Variants in NKAIN3 observed in about 807,000 individuals in gnomAD.
NKAIN3 encodes the protein sodium/potassium-transporting ATPase subunit beta-1-interacting protein 3.
A neutral mutation model predicts 30.2 loss-of-function variants in NKAIN3; 25 were observed. The ratio of observed to expected loss-of-function variants is 0.83; its 90% CI spans 0.60 to 1.16. The LOEUF is 1.16. Among genes scored for constraint, NKAIN3 ranks in the 50% most tolerant of loss-of-function variants. NKAIN3 has a pLI of 0.00. For missense variants in NKAIN3, 225 were observed against 254.1 expected, an observed-to-expected ratio of 0.89 and a Z score of 0.78; for synonymous variants, 91 against 89.6, an observed-to-expected ratio of 1.02 and a Z score of -0.09.
intron 3 of NKAIN3, among the ~76,000 whole-genome samples, chr8:62,731,955 AT>A (rs200192526): frequency 1.2e-3 from 169 of 146,524 alleles, no homozygotes; most frequent in African/African-American, 2.5e-3. Flanking sequence ...TTGAGATTTC[AT>A]TTTTTTTTTT....
chr8:62,901,711 G>T (rs1821619484), intron 4 of NKAIN3, among the ~76,000 whole-genome samples: 1 of 152,142 alleles, frequency 6.6e-6, no homozygotes, highest in East Asian at 1.9e-4. Flanking sequence ...AGAAAAGCAG[G>T]ATTCCCTACT....
intron 1 of NKAIN3, among the ~76,000 whole-genome samples, chr8:62,389,071 T>C (rs1388647128): frequency 1.3e-5 from 2 of 152,108 alleles, no homozygotes; most frequent in African/African-American, 2.4e-5. Flanking sequence ...CCAGCCTGTC[T>C]GCATGGAGGT....
chr8:62,916,985 C>A (rs1822125971), intron 4 of NKAIN3, among the ~76,000 whole-genome samples: 1 of 151,996 alleles, frequency 6.6e-6, no homozygotes, highest in African/African-American at 2.4e-5. Context: ...GATGATCAGC[C>A]TCCCTGGTTT....
intron 1 of NKAIN3, among the ~76,000 whole-genome samples, chr8:62,257,077 C>G (rs1182810655): frequency 6.6e-6 from 1 of 152,126 alleles, no homozygotes; most frequent in Non-Finnish European, 1.5e-5. Context: ...TTCATCACCT[C>G]ACGTATCATT....
intron 1 of NKAIN3, among the ~76,000 whole-genome samples, chr8:62,386,895 G>C (rs1817439491): frequency 6.7e-6 from 1 of 149,248 alleles, no homozygotes; most frequent in Non-Finnish European, 1.5e-5. Flanking sequence ...AGTATACTTG[G>C]TGTTTCCGAA....
intron 3 of NKAIN3, among the ~76,000 whole-genome samples, chr8:62,703,963 T>C (rs1332884591): frequency 6.6e-6 from 1 of 152,178 alleles, no homozygotes. Flanking sequence ...CTCTAAAATT[T>C]CTGGATGACT....
chr8:62,272,298 A>G (rs1437136878), intron 1 of NKAIN3, among the ~76,000 whole-genome samples: 1 of 152,154 alleles, frequency 6.6e-6, no homozygotes, highest in Admixed American at 6.5e-5. Flanking sequence ...GTAGGTTATC[A>G]TAGTGTTGGG....
intron 3 of NKAIN3, among the ~76,000 whole-genome samples, chr8:62,637,690 T>C (rs1341963940): frequency 6.6e-6 from 1 of 152,106 alleles, no homozygotes; most frequent in African/African-American, 2.4e-5. Context: ...TGCACAGCGA[T>C]GGTTCAAATA....
intron 1 of NKAIN3, among the ~76,000 whole-genome samples, chr8:62,530,250 A>T (rs138761832): frequency 1.3e-5 from 2 of 151,856 alleles, no homozygotes; most frequent in African/African-American, 4.8e-5. Flanking sequence ...ATAGTTTCAA[A>T]ATCTTTAGCA....
intron 1 of NKAIN3, among the ~76,000 whole-genome samples, chr8:62,455,766 C>T (rs549198523): frequency 6.6e-6 from 1 of 152,188 alleles, no homozygotes; most frequent in Admixed American, 6.5e-5. Flanking sequence ...AGCACACACA[C>T]AAAAATAAAA....
intron 1 of NKAIN3, among the ~76,000 whole-genome samples, chr8:62,450,286 C>T (rs1242271388): frequency 6.6e-6 from 1 of 151,780 alleles, no homozygotes; most frequent in Non-Finnish European, 1.5e-5. Context: ...GGATAGGATC[C>T]CTTGTTAAGG....
chr8:62,437,966 C>G (rs775240643), intron 1 of NKAIN3, among the ~76,000 whole-genome samples: 9 of 152,086 alleles, frequency 5.9e-5, no homozygotes, highest in Non-Finnish European at 1.3e-4. Context: ...GTTCATGAAC[C>G]CTGTGTGTTA....
chr8:62,823,418 C>G (rs1174678752), intron 4 of NKAIN3, among the ~76,000 whole-genome samples: 1 of 152,078 alleles, frequency 6.6e-6, no homozygotes, highest in East Asian at 1.9e-4. Flanking sequence ...TAACACTGAA[C>G]AGAAAATCTC....
Position 62,975,748 on chromosome 8 carries a change from T to C in NKAIN3, c.*10341T>C, listed in dbSNP as rs994390764. 6.6e-6 allele frequency among the ~76,000 whole-genome samples: 1 copy of C among 152,206 alleles called. No homozygotes were observed. Among genetic ancestry groups the C allele is most frequent in the East Asian group, 1.9e-4 (1 of 5,200 alleles). The stretch of plus-strand genomic sequence containing the variant: ...TTCTTTAATTCTTTTAATTGTGATG[T>C]TAGCGTGTTGATTGTAGATGTTTAG... On this transcript the variant is annotated 3_prime_UTR_variant, in exon 7 of 7. Coordinates refer to ENST00000623646, the MANE Select transcript of NKAIN3 (RefSeq NM_001304533.3).
At chr8:62,423,718 A>G (rs1420716405) in intron 1 of NKAIN3, among the ~76,000 whole-genome samples, 4 of 152,004 alleles carry the variant, frequency 2.6e-5, no homozygotes, top group African/African-American at 7.2e-5. Flanking sequence ...ATCTACTTCA[A>G]TCTGAAATTA....
At chr8:62,250,037 TTC>T (rs1812051022) in intron 1 of NKAIN3, among the ~76,000 whole-genome samples, 1 of 152,200 alleles carries the variant, frequency 6.6e-6, no homozygotes. Context: ...TTCAGACAGA[TTC>T]TGAGTGCTCT....
chr8:62,813,738 C>G (rs553419630), intron 4 of NKAIN3, among the ~76,000 whole-genome samples: 1 of 151,970 alleles, frequency 6.6e-6, no homozygotes, highest in South Asian at 2.1e-4. Flanking sequence ...TGTATTTTCT[C>G]TACCAGTAAA....
intron 2 of NKAIN3, among the ~76,000 whole-genome samples, chr8:62,581,167 TA>T (rs1482063248): frequency 7.5e-6 from 1 of 133,128 alleles, no homozygotes. Flanking sequence ...TAAAATAAAA[TA>T]AAAATACAGT....
At chr8:62,717,543 A>G (rs1814947977) in intron 3 of NKAIN3, among the ~76,000 whole-genome samples, 1 of 152,100 alleles carries the variant, frequency 6.6e-6, no homozygotes, top group Non-Finnish European at 1.5e-5. Context: ...ATCATTATCC[A>G]GCTAATTTGA....
Sources: allele counts gnomAD v4.1 joint callset (sites outside exome capture counted in the v4.1 genomes callset), GRCh38; gene constraint gnomAD v4.1.1; transcripts MANE v1.5; gene names NCBI Gene and HGNC (gene_info 2026-07-23, HGNC 2026-07-21).